The following BICRAL variants were observed in gnomAD, a reference collection of about 807,000 sequenced individuals.
The protein encoded by BICRAL is BICRA like chromatin remodeling complex associated protein, also known as BRD4-interacting chromatin-remodeling complex-associated protein-like.
BICRAL carries 8 observed loss-of-function variants against 91.8 expected under a neutral mutation model. That is an observed-to-expected ratio of 0.09 (90% CI 0.05 to 0.16). The LOEUF is 0.16. BICRAL is among the 10% of genes least tolerant of loss of function. The pLI, the probability that BICRAL is intolerant of heterozygous loss-of-function variation, is 1.00. For missense variants in BICRAL, 1,038 were observed against 1,310.9 expected (o/e 0.79, Z 3.21); for synonymous variants, 445 against 491.1 (o/e 0.91, Z 1.24).
intron 2 of BICRAL, among the ~76,000 whole-genome samples, chr6:42,818,663 A>G (rs958727651): frequency 6.6e-6 from 1 of 152,114 alleles, no homozygotes; most frequent in East Asian, 1.9e-4. Flanking sequence ...AAAAAAAAAA[A>G]AATTCTCCCA....
intron 1 of BICRAL, among the ~76,000 whole-genome samples, chr6:42,769,727 A>G (rs1762691878): frequency 6.6e-6 from 1 of 152,182 alleles, no homozygotes; most frequent in Non-Finnish European, 1.5e-5. Context: ...CATGGAATTC[A>G]AATCTGTTCA....
At chr6:42,793,642 A>C (rs989724492) in intron 1 of BICRAL, among the ~76,000 whole-genome samples, 1 of 151,648 alleles carries the variant, frequency 6.6e-6, no homozygotes, top group Non-Finnish European at 1.5e-5. Flanking sequence ...AATCTGTGAG[A>C]GTTTTAGGAT....
At chr6:42,763,237 G>T (rs924642924) in intron 1 of BICRAL, among the ~76,000 whole-genome samples, 1 of 152,162 alleles carries the variant, frequency 6.6e-6, no homozygotes, top group Non-Finnish European at 1.5e-5. Context: ...GCAAGAACAG[G>T]TTTAAGATTT....
intron 1 of BICRAL, among the ~76,000 whole-genome samples, chr6:42,797,485 G>T (rs1763447441): frequency 6.6e-6 from 1 of 152,160 alleles, no homozygotes; most frequent in South Asian, 2.1e-4. Flanking sequence ...AGACCGATCT[G>T]AGTTCTAGCA....
chr6:42,782,748 CCGGGAGCCGG>C (rs1482899824), intron 1 of BICRAL, among the ~76,000 whole-genome samples: 1 of 151,620 alleles, frequency 6.6e-6, no homozygotes, highest in African/African-American at 2.4e-5. Context: ...CCCGGAGCCG[CCGGGAGCCGG>C]GAAGGAGGGA....
chr6:42,793,649 G>A (rs981860043), intron 1 of BICRAL, among the ~76,000 whole-genome samples: 4 of 151,904 alleles, frequency 2.6e-5, no homozygotes, highest in Non-Finnish European at 2.9e-5. Flanking sequence ...GAGAGTTTTA[G>A]GATGGAGAAA....
chr6:42,752,333 G>C (rs897525974), intron 1 of BICRAL, among the ~76,000 whole-genome samples: 2 of 152,182 alleles, frequency 1.3e-5, no homozygotes, highest in African/African-American at 4.8e-5. Flanking sequence ...AGCACTAACT[G>C]TGCCCAGCAC....
At chr6:42,786,258 T>C (rs543045934) in intron 1 of BICRAL, among the ~76,000 whole-genome samples, 25 of 152,354 alleles carry the variant, frequency 1.6e-4, no homozygotes, top group Admixed American at 4.6e-4. Context: ...GATGTCAGAA[T>C]TATACCATCT....
chr6:42,811,337 G>A (rs937360831), intron 2 of BICRAL, among the ~76,000 whole-genome samples: 6 of 151,900 alleles, frequency 3.9e-5, no homozygotes, highest in South Asian at 2.1e-4. Flanking sequence ...AATGGCCTAA[G>A]TTTGGCCGGG....
At chr6:42,781,968 G>C (rs1378827875), upstream of BICRAL, 2 of 146,702 alleles carry the variant, frequency 1.4e-5, no homozygotes, top group African/African-American at 4.9e-5. Flanking sequence ...AGAGCGGAGC[G>C]CGTGTGGCCG....
chr6:42,857,514 G>A (rs752612913), intron 10 of BICRAL, among the ~76,000 whole-genome samples: 4 of 150,422 alleles, frequency 2.7e-5, no homozygotes, highest in Non-Finnish European at 5.9e-5. Flanking sequence ...TGTGAGCCCA[G>A]GAGTTTGAGA....
At chr6:42,844,396 C>G (rs1021486291) in intron 6 of BICRAL, among the ~76,000 whole-genome samples, 31 of 150,830 alleles carry the variant, frequency 2.1e-4, no homozygotes, top group African/African-American at 7.0e-4. Flanking sequence ...GTAGTCCCAG[C>G]TACTCGGGAG....
chr6:42,824,059 A>G (rs1291166347), intron 5 of BICRAL, among the ~76,000 whole-genome samples: 1 of 151,984 alleles, frequency 6.6e-6, no homozygotes, highest in African/African-American at 2.4e-5. Flanking sequence ...AACACGGTGA[A>G]ACCCCGTCTC....
intron 6 of BICRAL, among the ~76,000 whole-genome samples, chr6:42,847,322 A>G (rs1022154979): frequency 3.3e-5 from 5 of 152,214 alleles, no homozygotes; most frequent in African/African-American, 1.2e-4. Context: ...GATTTTTTAT[A>G]GATGTTTATC....
intron 1 of BICRAL, among the ~76,000 whole-genome samples, chr6:42,794,411 C>CTGTGTGTGTGTGTGTGTGTGTGTG (rs67384767): frequency 6.8e-6 from 1 of 146,418 alleles, no homozygotes; most frequent in Non-Finnish European, 1.5e-5. Flanking sequence ...TTCACTTACT[C>CTGTGTGTGTGTGTGTGTGTGTGTG]TGTGTGTGTG....
At position 42,868,390 on chromosome 6, in the gene BICRAL, TA is replaced by T. The variant is rs112379564; in HGVS notation, c.*2957del. 0.01 allele frequency: 1,449 copies of T among 143,534 alleles called. 16 individuals are homozygous for T. Among genetic ancestry groups the T allele is most frequent in the African/African-American group, 0.032 (1,268 of 39,346 alleles). The allele number at this position is 143,534 out of a possible 1,614,324, so 8.9% of individuals were successfully genotyped here. On this transcript the variant is annotated 3_prime_UTR_variant, in exon 13 of 13. Transcript: ENST00000314073. ...GTAAAAATATTTATAAAATGTTTTG[TA>T]AAAAAAAAAAAACTATAACAAATTG...
At chr6:42,825,996 A>AT (rs1337444707) in intron 5 of BICRAL, among the ~76,000 whole-genome samples, 1 of 151,736 alleles carries the variant, frequency 6.6e-6, no homozygotes, top group African/African-American at 2.4e-5. Flanking sequence ...GGCAGGGAGA[A>AT]TTGCTTGAAC....
intron 2 of BICRAL, among the ~76,000 whole-genome samples, chr6:42,815,888 G>T (rs556434190): frequency 9.5e-4 from 142 of 149,858 alleles, no homozygotes; most frequent in Non-Finnish European, 1.9e-3. Flanking sequence ...GGAGGCTGAG[G>T]CAGGACAGTC....
Position 42,864,612 on chromosome 6 carries a change from G to A in BICRAL, c.2453-47G>A, listed in dbSNP as rs375760455. The A allele has an allele frequency of 1.8e-5, 28 of 1,515,610 alleles. No homozygotes were observed. In the East Asian group the frequency reaches 4.3e-4, roughly 23 times the overall value. The allele number at this position is 1,515,610 out of a possible 1,614,324, so 93.9% of individuals were successfully genotyped here. On this transcript the variant is annotated intron_variant, in intron 12 of 12. Transcript: ENST00000314073. ...CCACTGAAGTTCTGCTGTATAGTCT[G>A]TCCTCTCCCAATCACTCACTAATGT...
Sources: gnomAD v4.1 joint callset for allele counts (sites outside exome capture counted in the v4.1 genomes callset) on GRCh38, gnomAD v4.1.1 for gene constraint, MANE v1.5 for transcripts, NCBI Gene and HGNC (gene_info 2026-07-23, HGNC 2026-07-21) for gene names.